Variants in PROSER2 observed in about 807,000 individuals in gnomAD.
PROSER2 encodes proline and serine-rich protein 2.
A neutral mutation model predicts 14.6 loss-of-function variants in PROSER2; 18 were observed. The ratio of observed to expected loss-of-function variants is 1.23; its 90% CI spans 0.85 to 1.83. PROSER2 has a LOEUF of 1.83. Ranked by LOEUF, PROSER2 falls within the 40% of genes most tolerant of loss-of-function variation. PROSER2 has a pLI of 0.00. For synonymous variants in PROSER2, 367 were observed against 286.4 expected, an observed-to-expected ratio of 1.28 and a Z score of -2.84; for missense variants, 823 against 629.8, an observed-to-expected ratio of 1.31 and a Z score of -3.28.
At position 11,866,914 on chromosome 10, in the gene PROSER2, A is replaced by C; in HGVS notation, c.391+131A>C. The C allele has an allele frequency of 4.6e-6, 5 of 1,091,248 alleles. No individual in the cohort carries two copies. Among genetic ancestry groups the C allele is most frequent in the Non-Finnish European group, 6.4e-6 (5 of 783,254 alleles). 67.6% of individuals were successfully genotyped at this position (1,091,248 alleles called of 1,614,324 possible). A position where few individuals can be genotyped will look rare whatever the true frequency, so the allele number is the denominator to read the frequency against. ...GTCTTACCAGATTTTTATAGGGGAAAATACTCCTTGGCAGTTTCATCATCC... is the reference window on the plus strand; with the variant it reads ...GTCTTACCAGATTTTTATAGGGGAACATACTCCTTGGCAGTTTCATCATCC... On this transcript the variant is annotated intron_variant, in intron 3 of 3. Coordinates refer to ENST00000277570, the MANE Select transcript of PROSER2 (RefSeq NM_153256.4). The surrounding 1 kb of genome is among the most constrained non-coding windows in gnomAD (Gnocchi z 6.0).
intron 2 of PROSER2, among the ~76,000 whole-genome samples, chr10:11,860,027 G>T (rs1834204332): frequency 6.6e-6 from 1 of 152,166 alleles, no homozygotes; most frequent in Non-Finnish European, 1.5e-5. Flanking sequence ...TTCCCCACCG[G>T]CACTCTCTGC....
At chr10:11,827,215 G>A (rs529306000) in intron 1 of PROSER2, among the ~76,000 whole-genome samples, 1 of 151,490 alleles carries the variant, frequency 6.6e-6, no homozygotes, top group African/African-American at 2.4e-5. Flanking sequence ...AAAAAATTCC[G>A]GTCCTCCTAG....
At chr10:11,868,638 GTTTT>G (rs1554768514) in intron 3 of PROSER2, among the ~76,000 whole-genome samples, 1 of 136,134 alleles carries the variant, frequency 7.3e-6, no homozygotes, top group African/African-American at 2.9e-5. Flanking sequence ...CAGGTTTTTT[GTTTT>G]TTGTTTTGTT....
At chr10:11,845,360 T>G (rs758250314) in intron 1 of PROSER2, among the ~76,000 whole-genome samples, 1 of 152,194 alleles carries the variant, frequency 6.6e-6, no homozygotes, top group Non-Finnish European at 1.5e-5. Flanking sequence ...TTGTAGCTGC[T>G]TTTAACTTTT....
chr10:11,858,014 A>G (rs905306416), intron 2 of PROSER2, among the ~76,000 whole-genome samples: 9 of 152,090 alleles, frequency 5.9e-5, no homozygotes, highest in African/African-American at 1.9e-4. Context: ...AGCTCAGTGC[A>G]ACCTCTGCCT....
chr10:11,868,560 C>T (rs1296035126), intron 3 of PROSER2, among the ~76,000 whole-genome samples: 1 of 152,228 alleles, frequency 6.6e-6, no homozygotes. Context: ...TGAGCCACCA[C>T]ACCTGGCATA....
intron 2 of PROSER2, among the ~76,000 whole-genome samples, chr10:11,852,864 C>A (rs1322050623): frequency 6.8e-6 from 1 of 146,880 alleles, no homozygotes; most frequent in Non-Finnish European, 1.5e-5. Flanking sequence ...CCGCGCCCGG[C>A]CACTCAAGCT....
In PROSER2 at chr10:11,830,574, C is replaced by G. The variant is rs563417105; in HGVS notation, c.-82+7104C>G. Reference sequence around the variant, plus strand: ...GAGATTGCTGGGTCCTGTGGTAGTTCTAGGTTTAGTCCCTGAGAAATCTCT... The same window carrying G: ...GAGATTGCTGGGTCCTGTGGTAGTTGTAGGTTTAGTCCCTGAGAAATCTCT... On this transcript the variant is annotated intron_variant, in intron 1 of 3. Coordinates refer to ENST00000277570, the MANE Select transcript of PROSER2 (RefSeq NM_153256.4). The surrounding 1 kb of genome is among the most constrained non-coding windows in gnomAD (Gnocchi z 4.5). Among the ~76,000 whole-genome samples the G allele has an allele frequency of 6.6e-6, 1 of 152,122 alleles. No homozygotes were observed. The highest frequency in any genetic ancestry group is 1.5e-5 in the Non-Finnish European group (1 of 68,022).
Position 11,869,961 on chromosome 10 carries a change from C to A in PROSER2, c.863C>A (p.Thr288Asn). The A allele has an allele frequency of 7.2e-7, 1 of 1,385,670 alleles. No individual in the cohort carries two copies. 85.8% of individuals were successfully genotyped at this position (1,385,670 alleles called of 1,614,324 possible). Residue 288 changes from threonine (T) to asparagine (N), a missense_variant, in exon 4 of 4, where the codon ACC becomes AAC. Physicochemically the swap from Thr to Asn is moderately conservative, Grantham distance 65. Transcript: ENST00000277570. This position sits in a 1 kb window ranked among gnomAD's most constrained non-coding sequence, Gnocchi z 4.4. Reference protein sequence around the residue: ...VQERRAQVLATIHGHAGAFPA... With the variant: ...VQERRAQVLANIHGHAGAFPA... ...GAGCGCAGGGCGCAGGTGTTGGCCA[C>A]CATCCACGGCCACGCCGGCGCCTTC...
intron 1 of PROSER2, among the ~76,000 whole-genome samples, chr10:11,829,419 AC>A (rs1224168819): frequency 7.2e-5 from 11 of 151,842 alleles, no homozygotes; most frequent in African/African-American, 2.7e-4. Flanking sequence ...ACCCCCATCT[AC>A]AAAAAATTAA....
In PROSER2 at chr10:11,870,886, T is replaced by C. The variant is rs1277970553; in HGVS notation, c.*480T>C. On this transcript the variant is annotated 3_prime_UTR_variant, in exon 4 of 4. Coordinates refer to ENST00000277570, the MANE Select transcript of PROSER2 (RefSeq NM_153256.4). ...AATGCTTGTTTCATTTTTTAATGTC[T>C]TAATATACTTGCTTTTGTTTTTGAA... is the stretch of plus-strand genomic sequence containing the variant. 1 of 164,874 alleles carries C rather than the reference T, an allele frequency of 6.1e-6. No homozygotes were observed. The highest frequency in any genetic ancestry group is 1.5e-5 in the Non-Finnish European group (1 of 68,334). The allele number at this position is 164,874 out of a possible 1,614,324, so 10.2% of individuals were successfully genotyped here.
rs138922381 is a variant in PROSER2 at position 11,837,947 on chromosome 10, C to T, written c.-81-14050C>T. Among the ~76,000 whole-genome samples, 208 of 152,052 alleles carry T rather than the reference C, an allele frequency of 1.4e-3. 1 individual carries two copies. The highest frequency in any genetic ancestry group is 4.9e-3 in the African/African-American group (202 of 41,460). On this transcript the variant is annotated intron_variant, in intron 1 of 3. Coordinates refer to ENST00000277570, the MANE Select transcript of PROSER2 (RefSeq NM_153256.4). The surrounding 1 kb of genome is among the most constrained non-coding windows in gnomAD (Gnocchi z 4.6). ...GTCTTCGGACTTCCCTCCTGAATTGCCCCGGGGTTTCTAGGTGGTGCCTGT... is the reference window on the plus strand; with the variant it reads ...GTCTTCGGACTTCCCTCCTGAATTGTCCCGGGGTTTCTAGGTGGTGCCTGT...
At chr10:11,868,222 T>C (rs1834393263) in intron 3 of PROSER2, among the ~76,000 whole-genome samples, 1 of 152,028 alleles carries the variant, frequency 6.6e-6, no homozygotes, top group Non-Finnish European at 1.5e-5. Context: ...GAAAACACTC[T>C]TTGAAAAATC....
Position 11,838,989 on chromosome 10 carries a change from T to G in PROSER2, c.-81-13008T>G, listed in dbSNP as rs895920648. Among the ~76,000 whole-genome samples, 3 of 152,192 alleles carry G rather than the reference T, an allele frequency of 2.0e-5. No homozygotes were observed. The highest frequency in any genetic ancestry group is 7.2e-5 in the African/African-American group (3 of 41,444). ...TTTTATGTAGACAGATGCATTGAAA[T>G]TTTCACCTTATAACTTGTATTTTTT... On this transcript the variant is annotated intron_variant, in intron 1 of 3. Coordinates refer to ENST00000277570, the MANE Select transcript of PROSER2 (RefSeq NM_153256.4). The surrounding 1 kb of genome is among the most constrained non-coding windows in gnomAD (Gnocchi z 4.4).
Position 11,865,148 on chromosome 10 carries a change from T to C in PROSER2, c.139-1383T>C, listed in dbSNP as rs1363177600. The stretch of plus-strand genomic sequence containing the variant: ...TTTCTCTGATTTCTCTCTCTGGAAC[T>C]CTCATTATTCACATAGTGGCCCTCC... On this transcript the variant is annotated intron_variant, in intron 2 of 3. Transcript: ENST00000277570. The surrounding 1 kb of genome is among the most constrained non-coding windows in gnomAD (Gnocchi z 4.2). Among the ~76,000 whole-genome samples the C allele has an allele frequency of 6.6e-6, 1 of 152,218 alleles. No homozygotes were observed. Among genetic ancestry groups the C allele is most frequent in the African/African-American group, 2.4e-5 (1 of 41,468 alleles).
Position 11,866,870 on chromosome 10 carries a change from T to C in PROSER2, c.391+87T>C. ...TACTTCTTTTGTGTTCCCCTGTGTT[T>C]GCCAGTAGAAGTTGTTGAGTCTTAC... On this transcript the variant is annotated intron_variant, in intron 3 of 3. Transcript: ENST00000277570. This position sits in a 1 kb window ranked among gnomAD's most constrained non-coding sequence, Gnocchi z 6.0. 2.7e-6 allele frequency: 4 copies of C among 1,466,900 alleles called. No homozygotes were observed. 90.9% of individuals were successfully genotyped at this position (1,466,900 alleles called of 1,614,324 possible).
At chr10:11,855,751 C>G (rs909018373) in intron 2 of PROSER2, among the ~76,000 whole-genome samples, 3 of 152,096 alleles carry the variant, frequency 2.0e-5, no homozygotes, top group Admixed American at 6.5e-5. Flanking sequence ...TAGCAAGACC[C>G]CTATTTCCAC....
Position 11,838,319 on chromosome 10 carries a change from C to T in PROSER2, c.-81-13678C>T, listed in dbSNP as rs1468002904. ...TCTAACTCTGACTTTTCATTGAGTG[C>T]TTTGAAGGTCTGTGCATGGCCTCAT... On this transcript the variant is annotated intron_variant, in intron 1 of 3. Coordinates refer to ENST00000277570, the MANE Select transcript of PROSER2 (RefSeq NM_153256.4). The surrounding 1 kb of genome is among the most constrained non-coding windows in gnomAD (Gnocchi z 4.4). 6.6e-6 allele frequency among the ~76,000 whole-genome samples: 1 copy of T among 152,166 alleles called. No homozygotes were observed. The highest frequency in any genetic ancestry group is 2.4e-5 in the African/African-American group (1 of 41,434).
At chr10:11,846,257 G>A (rs1330003387) in intron 1 of PROSER2, among the ~76,000 whole-genome samples, 1 of 152,300 alleles carries the variant, frequency 6.6e-6, no homozygotes, top group East Asian at 1.9e-4. Context: ...ATAGTGCTGG[G>A]ATTACAGGTG....
Sources: allele counts gnomAD v4.1 joint callset (sites outside exome capture counted in the v4.1 genomes callset), GRCh38; gene constraint gnomAD v4.1.1; non-coding constraint Gnocchi (gnomAD v3.1); transcripts MANE v1.5; gene names NCBI Gene and HGNC (gene_info 2026-07-23, HGNC 2026-07-21).